IL1RL1: variants seen among roughly 807,000 people sequenced by gnomAD.
The protein encoded by IL1RL1 is interleukin 1 receptor like 1, also known as interleukin-1 receptor-like 1.
IL1RL1 carries 32 observed loss-of-function variants against 50.9 expected under a neutral mutation model. That is an observed-to-expected ratio of 0.63 (90% CI 0.47 to 0.84). The LOEUF (loss-of-function observed/expected upper bound fraction) is 0.84, where lower values mean the gene tolerates loss of function less well. Ranked by LOEUF, IL1RL1 falls within the 40% of genes least tolerant of loss-of-function variation. IL1RL1 has a pLI of 0.00. For synonymous variants in IL1RL1, 275 were observed against 236.0 expected (o/e 1.17, Z -1.51); for missense variants, 773 against 662.9 (o/e 1.17, Z -1.82).
chr2:102,320,145 G>C (rs1432391570), intron 1 of IL1RL1, among the ~76,000 whole-genome samples: 1 of 152,182 alleles, frequency 6.6e-6, no homozygotes, highest in Admixed American at 6.5e-5. Context: ...GGGGAAAAAA[G>C]CAAAAAACTG....
rs1246438897 is a variant in IL1RL1, at chr2:102,340,229, C to A, written c.404C>A (p.Thr135Asn). The stretch of plus-strand genomic sequence containing the variant: ...AAAAATTCCAAAATTTATTGTCCTA[C>A]CATTGACCTCTACAACTGGACAGCA... ...SEKNSKIYCP[T>N]IDLYNWTAPL... The change falls in exon 4 of 11, where the codon ACC becomes AAC. Residue 135 changes from threonine (T) to asparagine (N), a missense_variant. Physicochemically the swap from Thr to Asn is moderately conservative, Grantham distance 65. Transcript: ENST00000233954. 9 of 1,605,306 alleles carry A rather than the reference C, an allele frequency of 5.6e-6. No homozygotes were observed. Among genetic ancestry groups the A allele is most frequent in the Non-Finnish European group, 6.8e-6 (8 of 1,177,854 alleles).
intron 3 of IL1RL1, 84 bp downstream of exon 3, chr2:102,339,131 T>G (rs144391501): frequency 1.1e-6 from 1 of 905,882 alleles, no homozygotes; most frequent in African/African-American, 1.7e-5. Flanking sequence ...TTGCTTTCAT[T>G]CCTTCCCTAG....
chr2:102,328,678 A>G (rs1377385798), intron 1 of IL1RL1, among the ~76,000 whole-genome samples: 2 of 152,216 alleles, frequency 1.3e-5, no homozygotes, highest in African/African-American at 4.8e-5. Context: ...CAAAAATCGC[A>G]AGCATTCTTA....
chr2:102,343,459 G>C, intron 8 of IL1RL1, 44 bp downstream of exon 8: 1 of 1,614,014 alleles, frequency 6.2e-7, no homozygotes, highest in Non-Finnish European at 8.5e-7. Context: ...ACTTTCTCTA[G>C]CAAGTGTAAG....
chr2:102,349,976 C>T (rs1677884466), intron 10 of IL1RL1, among the ~76,000 whole-genome samples: 1 of 152,148 alleles, frequency 6.6e-6, no homozygotes, highest in African/African-American at 2.4e-5. Context: ...ATTTTAAACT[C>T]ATTTTACTAA....
intron 1 of IL1RL1, among the ~76,000 whole-genome samples, chr2:102,321,815 A>G (rs757274824): frequency 9.9e-5 from 15 of 152,226 alleles, no homozygotes; most frequent in Non-Finnish European, 1.9e-4. Context: ...ATTTGAGATG[A>G]TGGAGATTAA....
At chr2:102,330,890 A>G (rs1677159788) in intron 1 of IL1RL1, among the ~76,000 whole-genome samples, 1 of 152,128 alleles carries the variant, frequency 6.6e-6, no homozygotes, top group Admixed American at 6.5e-5. Context: ...CAGGTTTAAG[A>G]TGTTCTGTTA....
intron 1 of IL1RL1, among the ~76,000 whole-genome samples, chr2:102,312,281 T>G (rs533912690): frequency 6.8e-6 from 1 of 148,144 alleles, no homozygotes; most frequent in African/African-American, 2.5e-5. Flanking sequence ...TAATATATAA[T>G]GTAATATATA....
At chr2:102,312,872 T>C (rs1676558477) in intron 1 of IL1RL1, 1 of 152,148 alleles carries the variant, frequency 6.6e-6, no homozygotes, top group African/African-American at 2.4e-5. Context: ...CAAAGCTTTA[T>C]CCACTGAATG....
At chr2:102,318,263 G>A (rs1676736787) in intron 1 of IL1RL1, among the ~76,000 whole-genome samples, 1 of 152,136 alleles carries the variant, frequency 6.6e-6, no homozygotes, top group African/African-American at 2.4e-5. Flanking sequence ...AGATGGCCAT[G>A]AGAAGTGGTC....
intron 2 of IL1RL1, 130 bp downstream of exon 2, chr2:102,338,455 T>C (rs1215428371): frequency 9.1e-6 from 5 of 546,992 alleles, no homozygotes; most frequent in Non-Finnish European, 1.6e-5. Context: ...ATATTGCTTT[T>C]GTACAATCAT....
At chr2:102,329,884 G>A (rs192643714) in intron 1 of IL1RL1, among the ~76,000 whole-genome samples, 52 of 152,308 alleles carry the variant, frequency 3.4e-4, no homozygotes, top group South Asian at 1.0e-3. Context: ...CTTTTACACC[G>A]TTGGTGGGAC....
intron 10 of IL1RL1, among the ~76,000 whole-genome samples, chr2:102,350,666 G>T (rs1402597599): frequency 6.6e-6 from 1 of 152,224 alleles, no homozygotes. Flanking sequence ...TTGCACCCTT[G>T]TCCTCTGCTC....
At position 102,346,374 on chromosome 2, in the gene IL1RL1, A is replaced by T. The variant is rs372868373; in HGVS notation, c.971-1571A>T. 1.5e-3 allele frequency among the ~76,000 whole-genome samples: 221 copies of T among 152,374 alleles called. 2 individuals are homozygous for T. Among genetic ancestry groups the T allele is most frequent in the African/African-American group, 5.1e-3 (213 of 41,588 alleles). On this transcript the variant is annotated intron_variant, in intron 8 of 10. Transcript: ENST00000233954. ...AACTTGCGAAATACTACAGTTATGG[A>T]GCAAGGATTCAAACACAGCCAGCAT...
At chr2:102,315,031 CT>C (rs1340967931) in intron 1 of IL1RL1, among the ~76,000 whole-genome samples, 1 of 152,184 alleles carries the variant, frequency 6.6e-6, no homozygotes, top group African/African-American at 2.4e-5. Context: ...TTTGCTTTCC[CT>C]TGGTACTGCT....
chr2:102,315,543 C>G lies in IL1RL1; in HGVS notation c.-150+3920C>G, dbSNP rs370480915. Among the ~76,000 whole-genome samples, 22 of 152,220 alleles carry G rather than the reference C, an allele frequency of 1.4e-4. No homozygotes were observed. In the East Asian group the frequency reaches 2.9e-3, roughly 20 times the overall value. ...GAACAGTGAGCTTATGGGTAAAGAC[C>G]GAGACTTTAGTGAGGAATTCCCTCA... is the stretch of plus-strand genomic sequence containing the variant. On this transcript the variant is annotated intron_variant, in intron 1 of 10. Coordinates refer to ENST00000233954, the MANE Select transcript of IL1RL1 (RefSeq NM_016232.5).
rs1278500696 is a variant in IL1RL1, at chr2:102,349,127, C to T, written c.1166C>T (p.Ser389Phe). The T allele has an allele frequency of 6.2e-7, 1 of 1,613,504 alleles. No homozygotes were observed. The highest frequency in any genetic ancestry group is 1.7e-5 in the Admixed American group (1 of 60,016). ...AYVVYPRNYK[S>F]STDGASRVEH... Reference sequence around the variant, plus strand: ...GTTGTCTACCCACGGAACTACAAATCCAGTACAGATGGGGCCAGTCGTGTA... The same window carrying T: ...GTTGTCTACCCACGGAACTACAAATTCAGTACAGATGGGGCCAGTCGTGTA... Residue 389 changes from serine to phenylalanine, a missense_variant, in exon 10 of 11, where the codon TCC becomes TTC. Coordinates refer to ENST00000233954, the MANE Select transcript of IL1RL1 (RefSeq NM_016232.5).
chr2:102,320,130 A>G (rs1377720593), intron 1 of IL1RL1, among the ~76,000 whole-genome samples: 5 of 152,280 alleles, frequency 3.3e-5, no homozygotes, highest in Admixed American at 2.0e-4. Flanking sequence ...CTTTTACCCC[A>G]TGGTGGGGAA....
chr2:102,351,894 G>A lies in IL1RL1; in HGVS notation c.1644G>A (p.Leu548=), dbSNP rs779740113. 1 of 1,612,426 alleles carries A rather than the reference G, an allele frequency of 6.2e-7. No homozygotes were observed. The highest frequency in any genetic ancestry group is 8.5e-7 in the Non-Finnish European group (1 of 1,179,226). The change falls in exon 11 of 11, where the codon TTG becomes TTA. Residue 548 remains leucine (L), a synonymous_variant. Coordinates refer to ENST00000233954, the MANE Select transcript of IL1RL1 (RefSeq NM_016232.5). The stretch of plus-strand genomic sequence containing the variant: ...AAATTCCCAGAAAGGCCTCTAGTTT[G>A]ACTCCCTTGGCTGCCCAGAAGCAAT... The part of the protein sequence containing the change: ...PSKIPRKASS[L]TPLAAQKQ
Sources: gnomAD v4.1 joint callset for allele counts (sites outside exome capture counted in the v4.1 genomes callset) on GRCh38, gnomAD v4.1.1 for gene constraint, MANE v1.5 for transcripts, NCBI Gene and HGNC (gene_info 2026-07-23, HGNC 2026-07-21) for gene names.